Variants in LDB2 observed in about 807,000 individuals in gnomAD.
LDB2 encodes LIM domain-binding protein 2.
In LDB2, 12 loss-of-function variants were observed where a neutral mutation model predicts 44.3. The observed-to-expected ratio is 0.27, with a 90% CI of 0.17 to 0.44. LDB2 has a LOEUF of 0.44. LDB2 is among the 20% of genes least tolerant of loss of function. The probability of loss-of-function intolerance (pLI) is 1.00; values close to 1 mark genes in which losing one functional copy is unlikely to be tolerated. For missense variants in LDB2, 344 were observed against 473.5 expected, an observed-to-expected ratio of 0.73 and a Z score of 2.54; for synonymous variants, 164 against 174.8, an observed-to-expected ratio of 0.94 and a Z score of 0.49.
At chr4:16,803,717 T>C (rs1778265251) in intron 1 of LDB2, among the ~76,000 whole-genome samples, 1 of 152,238 alleles carries the variant, frequency 6.6e-6, no homozygotes, top group Non-Finnish European at 1.5e-5. Context: ...TTTTCATTGT[T>C]GCTGAATCTC....
chr4:16,600,334 T>C (rs1368791272), intron 2 of LDB2, among the ~76,000 whole-genome samples: 1 of 152,182 alleles, frequency 6.6e-6, no homozygotes, highest in Non-Finnish European at 1.5e-5. Context: ...GGATTATGTC[T>C]TCTGAATTTT....
intron 5 of LDB2, among the ~76,000 whole-genome samples, chr4:16,541,012 T>C (rs1733574387): frequency 2.0e-5 from 3 of 152,206 alleles, no homozygotes; most frequent in Non-Finnish European, 4.4e-5. Context: ...GATTACATAA[T>C]GATTACCTGT....
At chr4:16,515,413 T>C (rs1362038726) in intron 5 of LDB2, among the ~76,000 whole-genome samples, 1 of 152,212 alleles carries the variant, frequency 6.6e-6, no homozygotes, top group Non-Finnish European at 1.5e-5. Flanking sequence ...ATGTACTTCC[T>C]GAATCTAAAA....
At chr4:16,530,419 CT>C (rs2152300537) in intron 5 of LDB2, among the ~76,000 whole-genome samples, 1 of 151,086 alleles carries the variant, frequency 6.6e-6, no homozygotes, top group African/African-American at 2.4e-5. Context: ...ACATTCAGGA[CT>C]TTCTGTTTTC....
At chr4:16,819,320 T>A (rs1200290974) in intron 1 of LDB2, among the ~76,000 whole-genome samples, 2 of 152,078 alleles carry the variant, frequency 1.3e-5, no homozygotes, top group African/African-American at 4.8e-5. Context: ...AGACCCTGAA[T>A]AAAATGGCCA....
In LDB2 at chr4:16,842,937, A is replaced by G. The variant is rs568853729; in HGVS notation, c.132+55417T>C. 2.0e-5 allele frequency among the ~76,000 whole-genome samples: 3 copies of G among 152,330 alleles called. No individual in the cohort carries two copies. The East Asian group carries it at 5.8e-4, about 29-fold the overall frequency. On this transcript the variant is annotated intron_variant, in intron 1 of 7. Transcript: ENST00000304523. Reference sequence around the variant, plus strand: ...AGCTCATAAAGCCTAACACAAAGTAAGTTTATGAAAGAGGACACTGTTATT... The same window carrying G: ...AGCTCATAAAGCCTAACACAAAGTAGGTTTATGAAAGAGGACACTGTTATT...
At chr4:16,736,259 C>A (rs1411358895) in intron 2 of LDB2, among the ~76,000 whole-genome samples, 1 of 152,192 alleles carries the variant, frequency 6.6e-6, no homozygotes, top group Non-Finnish European at 1.5e-5. Flanking sequence ...TACTTCTAAA[C>A]CCTCCTTCAC....
At chr4:16,887,722 T>C (rs1722166964) in intron 1 of LDB2, among the ~76,000 whole-genome samples, 1 of 152,006 alleles carries the variant, frequency 6.6e-6, no homozygotes, top group Non-Finnish European at 1.5e-5. Context: ...CTACAAATAA[T>C]TTAACGTTTG....
At chr4:16,639,530 C>T (rs559239293) in intron 2 of LDB2, among the ~76,000 whole-genome samples, 5 of 152,332 alleles carry the variant, frequency 3.3e-5, no homozygotes, top group South Asian at 2.1e-4. Context: ...GGCACGATCT[C>T]GGCTCACTGC....
chr4:16,554,395 T>C (rs1362984042), intron 5 of LDB2, among the ~76,000 whole-genome samples: 1 of 152,162 alleles, frequency 6.6e-6, no homozygotes, highest in Non-Finnish European at 1.5e-5. Flanking sequence ...CCATTGCCAC[T>C]GGGTGCCGCC....
intron 1 of LDB2, among the ~76,000 whole-genome samples, chr4:16,798,380 G>C (rs1777139423): frequency 6.6e-6 from 1 of 152,190 alleles, no homozygotes; most frequent in African/African-American, 2.4e-5. Flanking sequence ...GCCTAAAGCT[G>C]AGGACATGAC....
chr4:16,547,962 T>C (rs1027541937), intron 5 of LDB2, among the ~76,000 whole-genome samples: 1 of 152,090 alleles, frequency 6.6e-6, no homozygotes. Flanking sequence ...TTTGTTTGTT[T>C]TTTGTTTTTT....
At chr4:16,542,012 A>G (rs1422776759) in intron 5 of LDB2, among the ~76,000 whole-genome samples, 1 of 146,792 alleles carries the variant, frequency 6.8e-6, no homozygotes, top group African/African-American at 2.5e-5. Flanking sequence ...AACTTCTGGC[A>G]GTCTCCTGTT....
intron 1 of LDB2, among the ~76,000 whole-genome samples, chr4:16,871,620 TC>T (rs1343791405): frequency 3.9e-5 from 2 of 51,786 alleles, no homozygotes; most frequent in African/African-American, 1.7e-4. Context: ...AACCACTCTT[TC>T]TTTTTTTTTT....
chr4:16,629,002 C>T (rs1400365860), intron 2 of LDB2, among the ~76,000 whole-genome samples: 1 of 152,206 alleles, frequency 6.6e-6, no homozygotes, highest in Non-Finnish European at 1.5e-5. Context: ...TTGCTTGCTG[C>T]TAGTGCAGCA....
intron 5 of LDB2, among the ~76,000 whole-genome samples, chr4:16,560,230 AG>A (rs1741518982): frequency 6.6e-6 from 1 of 152,244 alleles, no homozygotes; most frequent in South Asian, 2.1e-4. Flanking sequence ...GCAGAACTGA[AG>A]GAAATAGTGA....
At chr4:16,569,290 C>T (rs1745579859) in intron 5 of LDB2, among the ~76,000 whole-genome samples, 1 of 152,216 alleles carries the variant, frequency 6.6e-6, no homozygotes, top group African/African-American at 2.4e-5. Context: ...CAAAAGTTTC[C>T]ATAATGATCC....
intron 1 of LDB2, among the ~76,000 whole-genome samples, chr4:16,824,226 T>G (rs57259648): frequency 0.3 from 44,968 of 151,714 alleles, 6,850 homozygotes; most frequent in South Asian, 0.47. Context: ...TGTGTATGTG[T>G]GTGTGTGTGT....
At chr4:16,727,960 C>T (rs1221531206) in intron 2 of LDB2, among the ~76,000 whole-genome samples, 3 of 152,138 alleles carry the variant, frequency 2.0e-5, no homozygotes, top group African/African-American at 7.2e-5. Flanking sequence ...TCTCAAGGCT[C>T]CATGGGAGCA....
Sources: allele counts gnomAD v4.1 joint callset (sites outside exome capture counted in the v4.1 genomes callset), GRCh38; gene constraint gnomAD v4.1.1; transcripts MANE v1.5; gene names NCBI Gene and HGNC (gene_info 2026-07-23, HGNC 2026-07-21).